The following ZBTB40 variants were observed in gnomAD, a reference collection of about 807,000 sequenced individuals.
ZBTB40 encodes zinc finger and BTB domain-containing protein 40.
A neutral mutation model predicts 117.5 loss-of-function variants in ZBTB40; 60 were observed. The observed-to-expected ratio is 0.51, with a 90% CI of 0.41 to 0.63. The LOEUF is 0.63. Ranked by LOEUF, ZBTB40 falls within the 30% of genes least tolerant of loss-of-function variation. ZBTB40 has a pLI of 0.00. For synonymous variants in ZBTB40, 525 were observed against 577.1 expected (o/e 0.91, Z 1.29); for missense variants, 1,287 against 1,498.5 (o/e 0.86, Z 2.33).
chr1:22,466,402 G>T (rs7549394), intron 1 of ZBTB40, among the ~76,000 whole-genome samples: 4 of 151,932 alleles, frequency 2.6e-5, no homozygotes, highest in Non-Finnish European at 5.9e-5. Flanking sequence ...TATATACTAG[G>T]AGTGGAACTG....
At chr1:22,492,660 T>A (rs901548641) in intron 3 of ZBTB40, among the ~76,000 whole-genome samples, 1 of 152,208 alleles carries the variant, frequency 6.6e-6, no homozygotes, top group Non-Finnish European at 1.5e-5. Flanking sequence ...GCAACTTTTT[T>A]AAAAAACAAA....
intron 1 of ZBTB40, among the ~76,000 whole-genome samples, chr1:22,488,373 G>A (rs1016528392): frequency 6.6e-5 from 10 of 152,176 alleles, no homozygotes; most frequent in Non-Finnish European, 1.2e-4. Flanking sequence ...CAAAGCAGAC[G>A]AAGGAGCGGG....
intron 16 of ZBTB40, among the ~76,000 whole-genome samples, chr1:22,523,359 T>C (rs935235079): frequency 2.6e-5 from 4 of 152,216 alleles, no homozygotes; most frequent in African/African-American, 7.2e-5. Flanking sequence ...TGTTTTGGAC[T>C]AATTTGACAT....
chr1:22,443,687 A>T (rs1359841372), intron 1 of ZBTB40, among the ~76,000 whole-genome samples: 1 of 152,242 alleles, frequency 6.6e-6, no homozygotes, highest in Non-Finnish European at 1.5e-5. Context: ...TTCTCTATAG[A>T]ATGCAAATTT....
rs748781118 is a variant in ZBTB40, at chr1:22,524,469, T to G, written c.3525+25T>G. ...GGTGATTCTGGGGCCATCAGCTACA[T>G]TAGAATGCTAATGCATGGTTCCTAA... On this transcript the variant is annotated intron_variant, in intron 17 of 17. Transcript: ENST00000375647. The G allele has an allele frequency of 1.9e-6, 3 of 1,608,684 alleles. No homozygotes were observed. In the East Asian group the frequency reaches 6.7e-5, roughly 36 times the overall value.
At chr1:22,506,483 C>T (rs756623489) in intron 6 of ZBTB40, among the ~76,000 whole-genome samples, 5 of 152,288 alleles carry the variant, frequency 3.3e-5, no homozygotes, top group South Asian at 4.1e-4. Context: ...GATTTATTAA[C>T]GTGTGGCTTT....
rs1002031477 is a variant in ZBTB40 at position 22,530,202 on chromosome 1, A to T, written c.*3806A>T. On this transcript the variant is annotated 3_prime_UTR_variant, in exon 18 of 18. Coordinates refer to ENST00000375647, the MANE Select transcript of ZBTB40 (RefSeq NM_014870.4). ...AATGGAGAAAAAGCAGGGATGCTAT[A>T]ATGAGTCCTCCCCAAGGGTGAGTTC... The T allele has an allele frequency of 6.6e-6, 1 of 152,280 alleles. No homozygotes were observed. Among genetic ancestry groups the T allele is most frequent in the African/African-American group, 2.4e-5 (1 of 41,402 alleles). 9.4% of individuals were successfully genotyped at this position (152,280 alleles called of 1,614,324 possible). A position where few individuals can be genotyped will look rare whatever the true frequency, so the allele number is the denominator to read the frequency against.
At chr1:22,429,126 TA>T (rs1640543067) in intron 1 of ZBTB40, among the ~76,000 whole-genome samples, 2 of 152,236 alleles carry the variant, frequency 1.3e-5, no homozygotes, top group Non-Finnish European at 2.9e-5. Flanking sequence ...CTCATGCCTG[TA>T]ATCCCAGCAC....
intron 1 of ZBTB40, among the ~76,000 whole-genome samples, chr1:22,460,877 A>T (rs1403474671): frequency 1.3e-5 from 2 of 152,158 alleles, no homozygotes; most frequent in African/African-American, 4.8e-5. Context: ...ATTCACACCC[A>T]GATACTTCCT....
At chr1:22,521,107 C>A (rs1171512921) in intron 14 of ZBTB40, among the ~76,000 whole-genome samples, 3 of 152,254 alleles carry the variant, frequency 2.0e-5, no homozygotes, top group African/African-American at 7.2e-5. Flanking sequence ...TGGTAAAGCA[C>A]ACAGGTGTTA....
rs555995462 is a variant in ZBTB40, at chr1:22,468,465, CTTTTTTTTTT to C, written c.-70+16479_-70+16488del. Among the ~76,000 whole-genome samples, 5 of 51,706 alleles carry C rather than the reference CTTTTTTTTTT, an allele frequency of 9.7e-5. No individual in the cohort carries two copies. In the East Asian group the frequency reaches 2.5e-3, roughly 26 times the overall value. 33.9% of individuals were successfully genotyped at this position (51,706 alleles called of 152,430 possible). A position where few individuals can be genotyped will look rare whatever the true frequency, so the allele number is the denominator to read the frequency against. ...TTAAAATTTAAAATGTTAATGTTTC[CTTTTTTTTTT>C]TTTTTTTTTTTTTTTTTGGAGACAG... On this transcript the variant is annotated intron_variant, in intron 1 of 17. Coordinates refer to ENST00000375647, the MANE Select transcript of ZBTB40 (RefSeq NM_014870.4).
At chr1:22,445,228 A>G (rs1338843805) in intron 1 of ZBTB40, among the ~76,000 whole-genome samples, 1 of 152,184 alleles carries the variant, frequency 6.6e-6, no homozygotes, top group Non-Finnish European at 1.5e-5. Context: ...TTTGATTTAC[A>G]GGTTTTACCA....
intron 1 of ZBTB40, among the ~76,000 whole-genome samples, chr1:22,433,448 A>AAAAAAAAAAAAAAAAAAAAAAAAAAAC (rs1557469811): frequency 2.1e-5 from 3 of 141,172 alleles, no homozygotes; most frequent in African/African-American, 5.0e-5. Context: ...AAAAAAAAAA[A>AAAAAAAAAAAAAAAAAAAAAAAAAAAC]AAAAAAAAAG....
chr1:22,468,822 T>C (rs1159194013), intron 1 of ZBTB40, among the ~76,000 whole-genome samples: 1 of 150,776 alleles, frequency 6.6e-6, no homozygotes, highest in Non-Finnish European at 1.5e-5. Context: ...TTGTATAATC[T>C]TTCTTTTTTG....
chr1:22,511,212 G>A lies in ZBTB40; in HGVS notation c.1867G>A (p.Glu623Lys), dbSNP rs764410116. ...CATTCCCTCTGAGACAGCCAGCCCT[G>A]AAGCTTCCCTGAGAGCAGTGCTGAG... is the stretch of plus-strand genomic sequence containing the variant. ...LSIPSETASPEASLRAVLSRA... is the reference protein window; with the variant it reads ...LSIPSETASPKASLRAVLSRA... Residue 623 changes from glutamate (E) to lysine (K), a missense_variant, in exon 10 of 18, where the codon GAA becomes AAA. By Grantham distance (56) the Glu-to-Lys change is moderately conservative. Transcript: ENST00000375647. 1 of 1,613,664 alleles carries A rather than the reference G, an allele frequency of 6.2e-7. No individual in the cohort carries two copies. Among genetic ancestry groups the A allele is most frequent in the Non-Finnish European group, 8.5e-7 (1 of 1,179,986 alleles).
chr1:22,447,704 G>A (rs1315339112), upstream of ZBTB40, among the ~76,000 whole-genome samples: 1 of 152,234 alleles, frequency 6.6e-6, no homozygotes, highest in African/African-American at 2.4e-5. Flanking sequence ...CAGCCCTGCT[G>A]GAGCAAGGCA....
intron 1 of ZBTB40, among the ~76,000 whole-genome samples, chr1:22,479,357 T>A (rs544745654): frequency 6.6e-6 from 1 of 152,338 alleles, no homozygotes; most frequent in South Asian, 2.1e-4. Flanking sequence ...TCAGTTTCCT[T>A]CTTATAGTAA....
chr1:22,455,555 T>G (rs1454062805), intron 1 of ZBTB40, among the ~76,000 whole-genome samples: 1 of 152,194 alleles, frequency 6.6e-6, no homozygotes, highest in Non-Finnish European at 1.5e-5. Context: ...CAACAAGCCC[T>G]GAATTAAATT....
At chr1:22,470,616 GAGAA>G (rs1256805887) in intron 1 of ZBTB40, among the ~76,000 whole-genome samples, 3 of 152,226 alleles carry the variant, frequency 2.0e-5, no homozygotes, top group Non-Finnish European at 4.4e-5. Flanking sequence ...GGTACTCTGA[GAGAA>G]AGAGACTGAA....
Sources: allele counts gnomAD v4.1 joint callset (sites outside exome capture counted in the v4.1 genomes callset), GRCh38; gene constraint gnomAD v4.1.1; transcripts MANE v1.5; gene names NCBI Gene and HGNC (gene_info 2026-07-23, HGNC 2026-07-21).